MAST4: variants seen among roughly 807,000 people sequenced by gnomAD.
MAST4 encodes microtubule-associated serine/threonine-protein kinase 4.
A neutral mutation model predicts 162.7 loss-of-function variants in MAST4; 89 were observed. The ratio of observed to expected loss-of-function variants is 0.55; its 90% CI spans 0.46 to 0.65. The LOEUF is 0.65. Among genes scored for constraint, MAST4 ranks in the 30% least tolerant of loss-of-function variants. The pLI is 0.00. For missense variants in MAST4, 3,153 were observed against 3,374.0 expected (o/e 0.93, Z 1.62); for synonymous variants, 1,479 against 1,361.1 (o/e 1.09, Z -1.91).
At chr5:66,973,218 G>A (rs565636968) in intron 4 of MAST4, among the ~76,000 whole-genome samples, 86 of 151,420 alleles carry the variant, frequency 5.7e-4, no homozygotes, top group South Asian at 1.7e-3. Context: ...TTATTATGGC[G>A]TTAAAATTGA....
At chr5:67,102,936 A>G (rs932729231) in intron 9 of MAST4, among the ~76,000 whole-genome samples, 7 of 152,258 alleles carry the variant, frequency 4.6e-5, no homozygotes, top group Non-Finnish European at 1.0e-4. Flanking sequence ...CTGTACCCAT[A>G]TTCTGGGCCT....
chr5:67,107,717 C>T (rs1765752741), intron 10 of MAST4, among the ~76,000 whole-genome samples: 1 of 152,192 alleles, frequency 6.6e-6, no homozygotes, highest in Non-Finnish European at 1.5e-5. Flanking sequence ...AGGTAAAATC[C>T]CCCTAAGGTT....
At chr5:66,867,500 T>G (rs970647051) in intron 3 of MAST4, among the ~76,000 whole-genome samples, 6 of 152,234 alleles carry the variant, frequency 3.9e-5, no homozygotes, top group Admixed American at 2.0e-4. Flanking sequence ...TAAAATGACT[T>G]AATAAGAGAA....
chr5:66,967,515 G>T (rs1243129237), intron 4 of MAST4, among the ~76,000 whole-genome samples: 2 of 152,032 alleles, frequency 1.3e-5, no homozygotes, highest in Non-Finnish European at 2.9e-5. Context: ...ATGAAGGAAA[G>T]AATTTTCTAA....
intron 2 of MAST4, among the ~76,000 whole-genome samples, chr5:66,786,399 C>T (rs564815347): frequency 6.6e-6 from 1 of 151,746 alleles, no homozygotes; most frequent in South Asian, 2.1e-4. Flanking sequence ...CTGTACCTCT[C>T]AATCATGCCC....
intron 2 of MAST4, among the ~76,000 whole-genome samples, chr5:66,778,937 A>G (rs1359240966): frequency 1.3e-5 from 2 of 152,164 alleles, no homozygotes; most frequent in African/African-American, 4.8e-5. Flanking sequence ...GTGACTCCTT[A>G]AAACATCTGT....
chr5:66,867,562 T>C (rs1760621014), intron 3 of MAST4, among the ~76,000 whole-genome samples: 1 of 152,270 alleles, frequency 6.6e-6, no homozygotes, highest in South Asian at 2.1e-4. Context: ...ATTAAGTTTC[T>C]TCATTATGCA....
At chr5:66,634,375 T>C (rs1580056570) in intron 1 of MAST4, among the ~76,000 whole-genome samples, 2 of 152,140 alleles carry the variant, frequency 1.3e-5, no homozygotes, top group South Asian at 4.1e-4. Context: ...TGTTTTTTCT[T>C]AGGAACATTG....
At chr5:67,096,739 T>C (rs950795479) in intron 7 of MAST4, among the ~76,000 whole-genome samples, 3 of 152,202 alleles carry the variant, frequency 2.0e-5, no homozygotes, top group African/African-American at 7.2e-5. Context: ...TGTTGGGTTA[T>C]TTTTACCATC....
chr5:66,745,074 A>T (rs1157399559), intron 1 of MAST4, among the ~76,000 whole-genome samples: 1 of 152,216 alleles, frequency 6.6e-6, no homozygotes, highest in African/African-American at 2.4e-5. Context: ...ATTGATCATT[A>T]ATTGACCAAG....
intron 1 of MAST4, among the ~76,000 whole-genome samples, chr5:66,751,675 A>C (rs1234560732): frequency 6.6e-6 from 1 of 150,728 alleles, no homozygotes; most frequent in Non-Finnish European, 1.5e-5. Context: ...TGATTGGTGT[A>C]CCTGAAAGTG....
At chr5:66,727,970 A>G (rs892836617) in intron 1 of MAST4, among the ~76,000 whole-genome samples, 1 of 152,106 alleles carries the variant, frequency 6.6e-6, no homozygotes, top group Non-Finnish European at 1.5e-5. Context: ...GGTTGGGTTC[A>G]TGTTGAAAAC....
At chr5:66,959,920 A>G (rs898057975) in intron 4 of MAST4, among the ~76,000 whole-genome samples, 1 of 152,154 alleles carries the variant, frequency 6.6e-6, no homozygotes, top group Non-Finnish European at 1.5e-5. Flanking sequence ...TAGCTACATG[A>G]ACATGTCCAC....
chr5:67,131,928 A>G lies in MAST4; in HGVS notation c.2070A>G (p.Val690=). 1 of 1,613,062 alleles carries G rather than the reference A, an allele frequency of 6.2e-7. No individual in the cohort carries two copies. Among genetic ancestry groups the G allele is most frequent in the Non-Finnish European group, 8.5e-7 (1 of 1,179,236 alleles). Residue 690 remains valine (V), a synonymous_variant, in exon 16 of 29, where the codon GTA becomes GTG. Coordinates refer to ENST00000403625, the MANE Select transcript of MAST4 (RefSeq NM_001164664.2). ...AATATTTACATAATTATGGAATTGT[A>G]CACAGGGATTTGAAACCAGACAAGT... ...ALEYLHNYGI[V]HRDLKPDNLL... is the part of the protein sequence containing the mutation.
chr5:66,921,682 C>G (rs1194791656), intron 4 of MAST4, among the ~76,000 whole-genome samples: 1 of 152,106 alleles, frequency 6.6e-6, no homozygotes, highest in Non-Finnish European at 1.5e-5. Context: ...TGGCTTGAGC[C>G]TGGGAGGTGA....
Position 66,816,712 on chromosome 5 carries a change from C to T in MAST4, c.642+27918C>T, listed in dbSNP as rs150296828. 2.5e-3 allele frequency among the ~76,000 whole-genome samples: 381 copies of T among 152,218 alleles called. 1 individual carries two copies. The highest frequency in any genetic ancestry group is 8.3e-3 in the African/African-American group (344 of 41,540). On this transcript the variant is annotated intron_variant, in intron 3 of 28. Coordinates refer to ENST00000403625, the MANE Select transcript of MAST4 (RefSeq NM_001164664.2). ...TTACCCATGTTTGCCTTTGCACATG[C>T]GGCTCTCTGGGCTTGGCATTCTTCC... is the stretch of plus-strand genomic sequence containing the variant.
intron 5 of MAST4, among the ~76,000 whole-genome samples, chr5:67,079,952 GCAAA>G (rs1225807392): frequency 6.6e-6 from 1 of 152,204 alleles, no homozygotes; most frequent in Non-Finnish European, 1.5e-5. Context: ...CCAGGGGTCT[GCAAA>G]AGGGGAGGGA....
intron 12 of MAST4, among the ~76,000 whole-genome samples, chr5:67,117,740 T>A (rs1185422612): frequency 6.6e-6 from 1 of 152,038 alleles, no homozygotes; most frequent in African/African-American, 2.4e-5. Flanking sequence ...TCATGTTTTT[T>A]AAATAAAACA....
chr5:66,738,654 A>T (rs1328172803), intron 1 of MAST4, among the ~76,000 whole-genome samples: 1 of 152,178 alleles, frequency 6.6e-6, no homozygotes, highest in Admixed American at 6.5e-5. Flanking sequence ...TCTGTGTTGC[A>T]AACATGTTTA....
Sources: gnomAD v4.1 joint callset for allele counts (sites outside exome capture counted in the v4.1 genomes callset) on GRCh38, gnomAD v4.1.1 for gene constraint, MANE v1.5 for transcripts, NCBI Gene and HGNC (gene_info 2026-07-23, HGNC 2026-07-21) for gene names.